COPRS: variants seen among roughly 807,000 people sequenced by gnomAD.
COPRS encodes cooperator of PRMT5.
Under a neutral mutation model 19.9 loss-of-function variants are expected in COPRS, and 11 were observed. The ratio of observed to expected loss-of-function variants is 0.55; its 90% confidence interval spans 0.35 to 0.92. The LOEUF is 0.92. Ranked by LOEUF, COPRS falls within the 40% of genes least tolerant of loss-of-function variation. COPRS has a pLI of 0.01. For missense variants in COPRS, 225 were observed against 229.9 expected (o/e 0.98, Z 0.14); for synonymous variants, 81 against 82.7 (o/e 0.98, Z 0.11).
intron 2 of COPRS, 134 bp downstream of exon 2, chr17:31,856,665 A>AC (rs1411221563): frequency 4.1e-6 from 3 of 723,916 alleles, no homozygotes; most frequent in Non-Finnish European, 7.4e-6. Flanking sequence ...AAAGGAGGTT[A>AC]CTGTTCAACT....
chr17:31,854,012 G>A (rs145156831), intron 2 of COPRS, among the ~76,000 whole-genome samples: 1 of 152,284 alleles, frequency 6.6e-6, no homozygotes, highest in African/African-American at 2.4e-5. Context: ...TAAAGTGATA[G>A]TTCAGAGCAA....
intron 2 of COPRS, 68 bp downstream of exon 2, chr17:31,856,731 A>G: frequency 1.0e-6 from 1 of 970,602 alleles, no homozygotes; most frequent in Non-Finnish European, 1.7e-6. Context: ...AAGGTAAATG[A>G]GACAGAGGGA....
At chr17:31,855,815 G>A (rs142832194) in intron 2 of COPRS, among the ~76,000 whole-genome samples, 9 of 151,890 alleles carry the variant, frequency 5.9e-5, no homozygotes, top group Admixed American at 5.9e-4. Flanking sequence ...GGCTAACATG[G>A]TGAAACCCCA....
In COPRS at chr17:31,852,029, G is replaced by A. The variant is rs1044087; in HGVS notation, c.*110C>T. 3.9e-6 allele frequency: 5 copies of A among 1,271,056 alleles called. No individual in the cohort carries two copies. Among genetic ancestry groups the A allele is most frequent in the Non-Finnish European group, 5.6e-6 (5 of 890,986 alleles). The allele number at this position is 1,271,056 out of a possible 1,614,324, so 78.7% of individuals were successfully genotyped here. A position where few individuals can be genotyped will look rare whatever the true frequency, so the allele number is the denominator to read the frequency against. On this transcript the variant is annotated 3_prime_UTR_variant, in exon 4 of 4. Transcript: ENST00000302362. ...AAGGAACACTGGTCTGTGTACCCCA[G>A]ACTAGGGGTCACTGCAAACATTTTC...
intron 2 of COPRS, chr17:31,856,513 G>A (rs914316760): frequency 4.7e-6 from 2 of 427,258 alleles, no homozygotes; most frequent in Non-Finnish European, 8.3e-6. Context: ...GGGCGGGGGG[G>A]TCTTAGAATG....
At chr17:31,855,501 AAAAT>A (rs201832910) in intron 2 of COPRS, among the ~76,000 whole-genome samples, 11 of 151,516 alleles carry the variant, frequency 7.3e-5, no homozygotes, top group Admixed American at 1.3e-4. Flanking sequence ...TCCGTCTCAA[AAAAT>A]AAATAAATAA....
chr17:31,852,096 T>G lies in COPRS; in HGVS notation c.*43A>C. The G allele has an allele frequency of 6.2e-7, 1 of 1,610,784 alleles. No individual in the cohort carries two copies. Among genetic ancestry groups the G allele is most frequent in the Non-Finnish European group, 8.5e-7 (1 of 1,178,508 alleles). ...ACCTCCAAGACAGGAAAAGAGATCT[T>G]GACGTGGAGGCCCGCCCACCTACAA... is the stretch of plus-strand genomic sequence containing the variant. On this transcript the variant is annotated 3_prime_UTR_variant, in exon 4 of 4. Transcript: ENST00000302362.
At position 31,852,883 on chromosome 17, in the gene COPRS, T is replaced by G. The variant is rs1174109303; in HGVS notation, c.314A>C (p.Lys105Thr). ...ELSEGTNCPP[K>T]EQPGDLFNED... ...ATTAAAAAGATCGCCAGGCTGTTCC[T>G]TGGGTGGACAGTTTGTCCCTTCTGA... is the stretch of plus-strand genomic sequence containing the variant. Residue 105 changes from lysine (K) to threonine (T), a missense_variant, in exon 3 of 4, where the codon AAG becomes ACG. This residue lies in a region of COPRS where 170 missense variants were observed against 171.4 expected (regional missense o/e 0.99). Transcript: ENST00000302362. The G allele has an allele frequency of 6.2e-7, 1 of 1,614,082 alleles. No individual in the cohort carries two copies. The highest frequency in any genetic ancestry group is 2.2e-5 in the East Asian group (1 of 44,900).
chr17:31,858,522 G>T, intron 1 of COPRS: 3 of 513,268 alleles, frequency 5.8e-6, no homozygotes, highest in Non-Finnish European at 7.5e-6. Context: ...CTGTAAACAA[G>T]GACAGGTAAG....
chr17:31,856,320 C>T (rs139799428), intron 2 of COPRS, among the ~76,000 whole-genome samples: 13 of 151,822 alleles, frequency 8.6e-5, no homozygotes, highest in South Asian at 2.1e-4. Flanking sequence ...GGTGACACAG[C>T]GAGACTCCGT....
chr17:31,853,882 G>A (rs541412209), intron 2 of COPRS, among the ~76,000 whole-genome samples: 1 of 152,284 alleles, frequency 6.6e-6, no homozygotes, highest in East Asian at 1.9e-4. Flanking sequence ...AAAGACTGGG[G>A]AAAGATAATG....
At chr17:31,852,432 C>A in intron 3 of COPRS, 124 bp from the exon 4 acceptor site, 1 of 690,440 alleles carries the variant, frequency 1.4e-6, no homozygotes, top group Non-Finnish European at 2.5e-6. Flanking sequence ...TAAAAACACA[C>A]ACAGTTCTCC....
Position 31,851,956 on chromosome 17 carries a change from C to T in COPRS, c.*183G>A. ...ATTTCAAGGAGGAGCCCATTAAGAA[C>T]AACAACAGACTGGCGAGAATGACGG... On this transcript the variant is annotated 3_prime_UTR_variant, in exon 4 of 4. Coordinates refer to ENST00000302362, the MANE Select transcript of COPRS (RefSeq NM_018405.4). The T allele has an allele frequency of 3.3e-6, 2 of 611,366 alleles. No individual in the cohort carries two copies. Among genetic ancestry groups the T allele is most frequent in the Non-Finnish European group, 2.8e-6 (1 of 353,390 alleles). The allele number at this position is 611,366 out of a possible 1,614,324, so 37.9% of individuals were successfully genotyped here.
At chr17:31,858,513 T>G (rs1181137748) in intron 1 of COPRS, 12 of 572,404 alleles carry the variant, frequency 2.1e-5, no homozygotes, top group Non-Finnish European at 2.6e-5. Context: ...CGGTACAGAC[T>G]GTAAACAAGG....
In COPRS at chr17:31,852,275, T is replaced by C; in HGVS notation, c.419A>G (p.Glu140Gly). ...ADDIQESISQELKPWVCCAPQ... is the reference protein window; with the variant it reads ...ADDIQESISQGLKPWVCCAPQ... Reference sequence around the variant, plus strand: ...GGCACAGCACACCCAAGGTTTAAGCTCTTGAGAAATGCTCTCCTGGATGTC... The same window carrying C: ...GGCACAGCACACCCAAGGTTTAAGCCCTTGAGAAATGCTCTCCTGGATGTC... The change falls in exon 4 of 4, where the codon GAG becomes GGG. Residue 140 changes from glutamate (E) to glycine (G), a missense_variant. Glu to Gly is a moderately conservative substitution (Grantham distance 98). This residue lies in a region of COPRS where 170 missense variants were observed against 171.4 expected (regional missense o/e 0.99). Coordinates refer to ENST00000302362, the MANE Select transcript of COPRS (RefSeq NM_018405.4). 1.2e-6 allele frequency: 2 copies of C among 1,612,638 alleles called. No individual in the cohort carries two copies. The highest frequency in any genetic ancestry group is 1.7e-6 in the Non-Finnish European group (2 of 1,179,318).
chr17:31,859,238 GC>G lies in COPRS; in HGVS notation c.-40del. ...CGGCTGGTCGCCCTGGACGCCGTGGGCCACGTGACGCGCCGGCCCGGCTGCC... is the reference window on the plus strand; with the variant it reads ...CGGCTGGTCGCCCTGGACGCCGTGGGCACGTGACGCGCCGGCCCGGCTGCC... On this transcript the variant is annotated 5_prime_UTR_variant, in exon 1 of 4. Coordinates refer to ENST00000302362, the MANE Select transcript of COPRS (RefSeq NM_018405.4). The G allele has an allele frequency of 1.1e-6, 1 of 908,080 alleles. No individual in the cohort carries two copies. The highest frequency in any genetic ancestry group is 1.3e-6 in the Non-Finnish European group (1 of 745,386). The allele number at this position is 908,080 out of a possible 1,614,324, so 56.3% of individuals were successfully genotyped here.
At chr17:31,853,181 C>A in intron 2 of COPRS, 151 bp from the exon 3 acceptor site, 1 of 668,136 alleles carries the variant, frequency 1.5e-6, no homozygotes, top group Non-Finnish European at 2.6e-6. Context: ...AAATGCACTT[C>A]TTTGTATGTT....
intron 1 of COPRS, 170 bp downstream of exon 1, chr17:31,858,923 CCGCGGCCT>C (rs2142278882): frequency 1.4e-6 from 2 of 1,467,544 alleles, no homozygotes; most frequent in East Asian, 2.6e-5. Flanking sequence ...CCCCGCGGCC[CCGCGGCCT>C]GGCCGTTTTC....
Position 31,859,160 on chromosome 17 carries a change from C to T in COPRS, c.40G>A (p.Ala14Thr), listed in dbSNP as rs866914734. The T allele has an allele frequency of 3.7e-5, 40 of 1,070,408 alleles. 1 individual carries two copies. Among genetic ancestry groups the T allele is most frequent in the Middle Eastern group, 8.5e-4 (2 of 2,348 alleles). The allele number at this position is 1,070,408 out of a possible 1,614,324, so 66.3% of individuals were successfully genotyped here. Reference sequence around the variant, plus strand: ...AGCGGCGGGCCCCGAGACGGCTCCGCGGCCCCCTGCGCCTGGGCCCCGGCG... The same window carrying T: ...AGCGGCGGGCCCCGAGACGGCTCCGTGGCCCCCTGCGCCTGGGCCCCGGCG... ...QAAGAQAQGA[A>T]EPSRGPPLPS... Residue 14 changes from alanine (A) to threonine (T), a missense_variant, in exon 1 of 4, where the codon GCG (alanine) becomes ACG (threonine). This residue lies in a region of COPRS where 51 missense variants were observed against 39.2 expected (regional missense o/e 1.30). Coordinates refer to ENST00000302362, the MANE Select transcript of COPRS (RefSeq NM_018405.4).
Sources: allele counts gnomAD v4.1 joint callset (sites outside exome capture counted in the v4.1 genomes callset), GRCh38; gene constraint gnomAD v4.1.1; regional missense constraint gnomAD v4.1.1; transcripts MANE v1.5; gene names NCBI Gene and HGNC (gene_info 2026-07-23, HGNC 2026-07-21).